The following AGBL4 variants were observed in gnomAD, a reference collection of about 807,000 sequenced individuals.
AGBL4 encodes the protein cytosolic carboxypeptidase 6.
AGBL4 carries 58 observed loss-of-function variants against 66.4 expected under a neutral mutation model. The observed-to-expected ratio is 0.87, with a 90% confidence interval of 0.71 to 1.09. The LOEUF (loss-of-function observed/expected upper bound fraction) is 1.09, where lower values mean the gene tolerates loss of function less well. Among genes scored for constraint, AGBL4 ranks in the 50% least tolerant of loss-of-function variants. The probability of loss-of-function intolerance (pLI) is 0.00; values close to 1 mark genes in which losing one functional copy is unlikely to be tolerated. For missense variants in AGBL4, 579 were observed against 631.0 expected, an observed-to-expected ratio of 0.92 and a Z score of 0.88; for synonymous variants, 234 against 222.9, an observed-to-expected ratio of 1.05 and a Z score of -0.44.
intron 3 of AGBL4, among the ~76,000 whole-genome samples, chr1:49,349,248 C>A (rs1428644331): frequency 1.3e-5 from 2 of 152,158 alleles, no homozygotes; most frequent in Non-Finnish European, 2.9e-5. Flanking sequence ...GAAGTATTAG[C>A]CTCTGTAATA....
intron 1 of AGBL4, among the ~76,000 whole-genome samples, chr1:49,951,075 G>C (rs777921867): frequency 7.3e-5 from 11 of 151,708 alleles, no homozygotes; most frequent in Non-Finnish European, 1.3e-4. Context: ...CCAGGGGATG[G>C]GGGGGATAGA....
chr1:48,651,154 TGCTCTCC>T (rs1645923644), intron 8 of AGBL4, among the ~76,000 whole-genome samples: 1 of 152,236 alleles, frequency 6.6e-6, no homozygotes, highest in African/African-American at 2.4e-5. Flanking sequence ...TGGTTAGAGT[TGCTCTCC>T]AAGTCTCATA....
chr1:49,302,608 T>TTTTATTTTATTTTATTTTATTTTA lies in AGBL4; in HGVS notation c.283-56745_283-56744insTAAAATAAAATAAAATAAAATAAA, dbSNP rs1553180279. On this transcript the variant is annotated intron_variant, in intron 3 of 13. Transcript: ENST00000371839. Reference sequence around the variant, plus strand: ...ATTTTATTTTATATTTTATTTTATTTTTTTATTTTATTTTATTTTATTTTA... The same window carrying TTTTATTTTATTTTATTTTATTTTA: ...ATTTTATTTTATATTTTATTTTATTTTTTATTTTATTTTATTTTATTTTATTTTATTTTATTTTATTTTATTTTA... Among the ~76,000 whole-genome samples, 114 of 110,116 alleles carry TTTTATTTTATTTTATTTTATTTTA rather than the reference T, an allele frequency of 1.0e-3. 6 individuals are homozygous for TTTTATTTTATTTTATTTTATTTTA. Among genetic ancestry groups the TTTTATTTTATTTTATTTTATTTTA allele is most frequent in the Admixed American group, 5.5e-3 (58 of 10,488 alleles). 72.2% of individuals were successfully genotyped at this position (110,116 alleles called of 152,430 possible).
At chr1:49,195,612 C>T (rs935982557) in intron 4 of AGBL4, among the ~76,000 whole-genome samples, 6 of 152,130 alleles carry the variant, frequency 3.9e-5, no homozygotes, top group African/African-American at 1.4e-4. Context: ...ACTTTACACA[C>T]TCAGATGACT....
At chr1:49,611,374 C>CTTTT (rs35960918) in intron 3 of AGBL4, among the ~76,000 whole-genome samples, 9 of 117,838 alleles carry the variant, frequency 7.6e-5, no homozygotes, top group Non-Finnish European at 8.6e-5. Context: ...CAACCATATT[C>CTTTT]TTTTTTTTTT....
At chr1:48,637,756 CCT>C (rs1474325307) in intron 8 of AGBL4, among the ~76,000 whole-genome samples, 1 of 152,190 alleles carries the variant, frequency 6.6e-6, no homozygotes, top group Admixed American at 6.5e-5. Flanking sequence ...GTATAAATTC[CCT>C]TTTTGCTTAA....
chr1:49,389,570 A>G (rs1644805090), intron 3 of AGBL4, among the ~76,000 whole-genome samples: 1 of 152,080 alleles, frequency 6.6e-6, no homozygotes, highest in South Asian at 2.1e-4. Flanking sequence ...GCCCCTTCTC[A>G]TGCCTGAACT....
intron 1 of AGBL4, among the ~76,000 whole-genome samples, chr1:49,957,106 A>T (rs1268060563): frequency 6.6e-6 from 1 of 152,158 alleles, no homozygotes; most frequent in Admixed American, 6.6e-5. Flanking sequence ...ATCCAAGTGT[A>T]ATTAAATAAG....
intron 4 of AGBL4, among the ~76,000 whole-genome samples, chr1:49,193,668 C>T (rs1008328115): frequency 6.6e-6 from 1 of 151,774 alleles, no homozygotes; most frequent in Non-Finnish European, 1.5e-5. Context: ...GCTGGGACTA[C>T]AGGTGCCCGC....
At chr1:49,427,913 G>C (rs571562028) in intron 3 of AGBL4, among the ~76,000 whole-genome samples, 4 of 152,106 alleles carry the variant, frequency 2.6e-5, no homozygotes, top group African/African-American at 4.8e-5. Context: ...CCTTTAGCTA[G>C]ACACAGTGCT....
chr1:49,302,013 C>T (rs974025720), intron 3 of AGBL4, among the ~76,000 whole-genome samples: 2 of 152,076 alleles, frequency 1.3e-5, no homozygotes, highest in African/African-American at 4.8e-5. Flanking sequence ...GCAACATCTG[C>T]TGTCTTAGTG....
At chr1:49,262,978 G>A (rs12753880) in intron 3 of AGBL4, among the ~76,000 whole-genome samples, 11 of 151,784 alleles carry the variant, frequency 7.2e-5, no homozygotes, top group Middle Eastern at 3.4e-3. Flanking sequence ...TGCAGCCATA[G>A]AAAATGATGA....
chr1:49,601,051 G>T (rs1490126419), intron 3 of AGBL4, among the ~76,000 whole-genome samples: 1 of 152,118 alleles, frequency 6.6e-6, no homozygotes, highest in Non-Finnish European at 1.5e-5. Flanking sequence ...CTCTCTGGCT[G>T]CCCTTAACAT....
intron 4 of AGBL4, among the ~76,000 whole-genome samples, chr1:49,046,210 A>G (rs1250885873): frequency 1.3e-5 from 2 of 152,164 alleles, no homozygotes; most frequent in Admixed American, 6.6e-5. Flanking sequence ...TAGACAATAT[A>G]ATTACAGATT....
chr1:49,754,084 C>T (rs1352538340), intron 2 of AGBL4, among the ~76,000 whole-genome samples: 2 of 152,120 alleles, frequency 1.3e-5, no homozygotes, highest in African/African-American at 2.4e-5. Flanking sequence ...ATTCATCAAA[C>T]TTACCCTCTG....
At chr1:49,473,385 T>G (rs1274828552) in intron 3 of AGBL4, among the ~76,000 whole-genome samples, 1 of 152,096 alleles carries the variant, frequency 6.6e-6, no homozygotes, top group Admixed American at 6.6e-5. Flanking sequence ...TGTATCTGTT[T>G]GATGATTAGT....
At chr1:49,371,288 C>CATACAT (rs71572681) in intron 3 of AGBL4, among the ~76,000 whole-genome samples, 3 of 151,386 alleles carry the variant, frequency 2.0e-5, no homozygotes, top group Non-Finnish European at 2.9e-5. Flanking sequence ...TACATACATA[C>CATACAT]ACACACACAC....
chr1:49,999,345 A>T (rs1005423542), intron 1 of AGBL4, among the ~76,000 whole-genome samples: 5 of 152,068 alleles, frequency 3.3e-5, no homozygotes, highest in Admixed American at 2.0e-4. Flanking sequence ...AAAAAAAAAA[A>T]AAAAATACTC....
At chr1:49,607,163 A>G (rs546376063) in intron 3 of AGBL4, among the ~76,000 whole-genome samples, 39 of 152,126 alleles carry the variant, frequency 2.6e-4, no homozygotes, top group Non-Finnish European at 3.4e-4. Context: ...ACCCATAAGA[A>G]CCACCATGCC....
Sources: gnomAD v4.1 joint callset for allele counts (sites outside exome capture counted in the v4.1 genomes callset) on GRCh38, gnomAD v4.1.1 for gene constraint, MANE v1.5 for transcripts, NCBI Gene and HGNC (gene_info 2026-07-23, HGNC 2026-07-21) for gene names.